The following SYTL5 variants were observed in gnomAD, a reference collection of about 807,000 sequenced individuals.
SYTL5 encodes synaptotagmin-like protein 5.
SYTL5 carries 34 observed loss-of-function variants against 55.9 expected under a neutral mutation model. The ratio of observed to expected loss-of-function variants is 0.61; its 90% confidence interval spans 0.46 to 0.81. The LOEUF is 0.81. Ranked by LOEUF, SYTL5 falls within the 30% of genes least tolerant of loss-of-function variation. SYTL5 has a pLI of 0.00. For missense variants in SYTL5, 637 were observed against 546.7 expected, an observed-to-expected ratio of 1.17 and a Z score of -1.65; for synonymous variants, 221 against 188.7, an observed-to-expected ratio of 1.17 and a Z score of -1.40.
At chrX:37,925,501 A>G in the SYTL5 span, among the ~76,000 whole-genome samples, 1 of 111,842 alleles carries the variant, frequency 8.9e-6, no homozygotes, top group Non-Finnish European at 1.9e-5. Context: ...ATTCCCACCA[A>G]CAGTGTATGG....
chrX:37,970,047 A>G, the SYTL5 span, among the ~76,000 whole-genome samples: 1 of 112,534 alleles, frequency 8.9e-6, no homozygotes, highest in Non-Finnish European at 1.9e-5. Context: ...AAAATAAGTC[A>G]GTATTTGTAA....
chrX:38,095,444 A>G (rs957655638), intron 8 of SYTL5, among the ~76,000 whole-genome samples: 2 of 111,777 alleles, frequency 1.8e-5, no homozygotes, highest in African/African-American at 6.5e-5. Context: ...AACTATATTG[A>G]TCTCAGTAGT....
chrX:37,932,008 C>G, the SYTL5 span, among the ~76,000 whole-genome samples: 2 of 111,607 alleles, frequency 1.8e-5, no homozygotes, highest in African/African-American at 6.5e-5. Context: ...GATTTGCAAA[C>G]TGGTCTTAAA....
chrX:37,995,543 C>A, the SYTL5 span, among the ~76,000 whole-genome samples: 1 of 112,158 alleles, frequency 8.9e-6, no homozygotes, highest in African/African-American at 3.2e-5. Flanking sequence ...TAGCTTTAGC[C>A]CAGATGGTCA....
chrX:37,950,844 T>C, the SYTL5 span, among the ~76,000 whole-genome samples: 3 of 111,540 alleles, frequency 2.7e-5, no homozygotes, highest in African/African-American at 9.7e-5. Flanking sequence ...TTGATATGTG[T>C]TCATTTTAAG....
the SYTL5 span, among the ~76,000 whole-genome samples, chrX:37,915,014 C>T: frequency 1.5e-4 from 17 of 111,813 alleles, no homozygotes; most frequent in South Asian, 1.5e-3. Flanking sequence ...GTCCTCTCTG[C>T]GCCTGTGTCC....
chrX:38,044,670 A>G (rs1225409178), intron 2 of SYTL5, among the ~76,000 whole-genome samples: 2 of 111,831 alleles, frequency 1.8e-5, no homozygotes, highest in East Asian at 2.8e-4. Flanking sequence ...TTTTAAAGAA[A>G]TGCAGCTTTC....
At chrX:37,974,276 C>T in the SYTL5 span, among the ~76,000 whole-genome samples, 73 of 112,291 alleles carry the variant, frequency 6.5e-4, no homozygotes, top group African/African-American at 2.0e-3. Context: ...AGTGCTGATA[C>T]GTACTGCAAC....
At chrX:38,038,714 A>G (rs1468350585) in intron 2 of SYTL5, among the ~76,000 whole-genome samples, 1 of 112,280 alleles carries the variant, frequency 8.9e-6, no homozygotes, top group Non-Finnish European at 1.9e-5. Context: ...ACCATGAGCC[A>G]CAAAGCCACC....
At chrX:38,020,965 C>T (rs1037612291) in intron 1 of SYTL5, among the ~76,000 whole-genome samples, 2 of 111,318 alleles carry the variant, frequency 1.8e-5, no homozygotes, top group Non-Finnish European at 3.8e-5. Flanking sequence ...AATTTTAATT[C>T]CATTAGTTTC....
intron 6 of SYTL5, among the ~76,000 whole-genome samples, chrX:38,080,650 A>G (rs1052452767): frequency 3.6e-5 from 4 of 112,150 alleles, no homozygotes; most frequent in South Asian, 3.7e-4. Context: ...TCCAGGAAAT[A>G]TGGCACTTTG....
intron 1 of SYTL5, among the ~76,000 whole-genome samples, chrX:38,017,082 G>A (rs1934378183): frequency 9.0e-6 from 1 of 111,049 alleles, no homozygotes; most frequent in Non-Finnish European, 1.9e-5. Flanking sequence ...TTTTGTTGTT[G>A]TTGTTGTTGT....
chrX:37,922,547 A>G, the SYTL5 span, among the ~76,000 whole-genome samples: 12 of 111,984 alleles, frequency 1.1e-4, no homozygotes, highest in Admixed American at 2.8e-4. Flanking sequence ...ATGACCTGAG[A>G]CTACTCAATG....
At chrX:37,999,931 G>A in the SYTL5 span, among the ~76,000 whole-genome samples, 2 of 111,542 alleles carry the variant, frequency 1.8e-5, no homozygotes, top group African/African-American at 3.3e-5. Context: ...TAGAAATAGC[G>A]CTCAAGATAG....
chrX:37,938,637 C>G, the SYTL5 span, among the ~76,000 whole-genome samples: 1 of 111,215 alleles, frequency 9.0e-6, no homozygotes, highest in African/African-American at 3.3e-5. Context: ...CTCTCTCTCA[C>G]CCCTCACTCC....
At chrX:38,009,524 A>G (rs926246446) in intron 1 of SYTL5, among the ~76,000 whole-genome samples, 4 of 111,883 alleles carry the variant, frequency 3.6e-5, no homozygotes, top group Admixed American at 9.5e-5. Context: ...CTCAATATCC[A>G]AACCACTACC....
chrX:38,035,547 C>T (rs1184694525), intron 2 of SYTL5, among the ~76,000 whole-genome samples: 5 of 103,629 alleles, frequency 4.8e-5, no homozygotes, highest in East Asian at 5.9e-4. Context: ...GCCGAGATTG[C>T]GCCACTGCAC....
At chrX:38,081,665 C>T (rs762674404) in intron 6 of SYTL5, among the ~76,000 whole-genome samples, 19 of 111,664 alleles carry the variant, frequency 1.7e-4, no homozygotes, top group Non-Finnish European at 3.4e-4. Flanking sequence ...GTCATTAAGC[C>T]AGTTGTTATT....
chrX:38,102,963 C>A, intron 10 of SYTL5: 1 of 858,132 alleles, frequency 1.2e-6, no homozygotes, highest in Non-Finnish European at 1.7e-6. Context: ...TTTTTCTTGG[C>A]TTCTCTGATT....
Sources: allele counts gnomAD v4.1 joint callset (sites outside exome capture counted in the v4.1 genomes callset), GRCh38; gene constraint gnomAD v4.1.1; transcripts MANE v1.5; gene names NCBI Gene and HGNC (gene_info 2026-07-23, HGNC 2026-07-21).